Variants in CTCFL observed in about 807,000 individuals in gnomAD.
CTCFL encodes the protein transcriptional repressor CTCFL.
CTCFL carries 36 observed loss-of-function variants against 67.4 expected under a neutral mutation model. That is an observed-to-expected ratio of 0.53 (90% CI 0.41 to 0.71). The LOEUF is 0.71. Ranked by LOEUF, CTCFL falls within the 30% of genes least tolerant of loss-of-function variation. The probability of loss-of-function intolerance (pLI) is 0.00; values close to 1 mark genes in which losing one functional copy is unlikely to be tolerated. For missense variants in CTCFL, 786 were observed against 835.2 expected, an observed-to-expected ratio of 0.94 and a Z score of 0.73; for synonymous variants, 324 against 302.3, an observed-to-expected ratio of 1.07 and a Z score of -0.75.
intron 5 of CTCFL, among the ~76,000 whole-genome samples, chr20:57,518,134 C>A (rs1433515794): frequency 1.3e-5 from 2 of 152,322 alleles, no homozygotes; most frequent in African/African-American, 4.8e-5. Flanking sequence ...CGGGCCTCAG[C>A]CTGTTTCCCA....
At chr20:57,498,815 C>T in intron 10 of CTCFL, 114 bp from the exon 11 acceptor site, 4 of 899,804 alleles carry the variant, frequency 4.4e-6, no homozygotes, top group Non-Finnish European at 6.9e-6. Context: ...CGGCAGCAAG[C>T]ATGTTAGAAA....
intron 9 of CTCFL, chr20:57,507,126 G>C (rs141055546): frequency 3.6e-6 from 3 of 843,914 alleles, no homozygotes; most frequent in Non-Finnish European, 2.9e-6. Flanking sequence ...CCTTTCAAAA[G>C]AAACTTCATT....
At position 57,497,194 on chromosome 20, in the gene CTCFL, G is replaced by A; in HGVS notation, c.*1356C>T. 1 of 899,986 alleles carries A rather than the reference G, an allele frequency of 1.1e-6. No homozygotes were observed. The highest frequency in any genetic ancestry group is 1.3e-6 in the Non-Finnish European group (1 of 752,380). 55.8% of individuals were successfully genotyped at this position (899,986 alleles called of 1,614,324 possible). A position where few individuals can be genotyped will look rare whatever the true frequency, so the allele number is the denominator to read the frequency against. ...CAATTTTAAGTCATTTCATTTTATT[G>A]AATTATGTAAAACATCTTTAAATAA... On this transcript the variant is annotated 3_prime_UTR_variant, in exon 11 of 11. Coordinates refer to ENST00000243914, the MANE Select transcript of CTCFL (RefSeq NM_001386993.1).
intron 3 of CTCFL, among the ~76,000 whole-genome samples, chr20:57,520,041 C>A (rs2069238211): frequency 6.6e-6 from 1 of 152,180 alleles, no homozygotes; most frequent in Non-Finnish European, 1.5e-5. Flanking sequence ...AAAAGAAGTT[C>A]TCTTGGATGA....
At chr20:57,518,125 G>A (rs1166388615) in intron 5 of CTCFL, among the ~76,000 whole-genome samples, 3 of 152,054 alleles carry the variant, frequency 2.0e-5, no homozygotes, top group East Asian at 1.9e-4. Context: ...GCTCAAAACC[G>A]GGCCTCAGCC....
chr20:57,524,872 C>A (rs931329537), intron 1 of CTCFL, 156 bp downstream of exon 1: 1 of 547,240 alleles, frequency 1.8e-6, no homozygotes, highest in Non-Finnish European at 2.3e-6. Context: ...TACCCTGCCC[C>A]CCACGCCCCG....
chr20:57,519,876 T>C (rs181082349), intron 3 of CTCFL, among the ~76,000 whole-genome samples: 84 of 152,322 alleles, frequency 5.5e-4, no homozygotes, highest in East Asian at 5.8e-4. Flanking sequence ...CCATAAGTCA[T>C]GTGTGACTCT....
intron 9 of CTCFL, among the ~76,000 whole-genome samples, chr20:57,503,993 C>T (rs922120567): frequency 6.6e-6 from 1 of 151,900 alleles, no homozygotes; most frequent in South Asian, 2.1e-4. Context: ...AAGGAAGCTA[C>T]ACTCAGGATG....
At position 57,497,404 on chromosome 20, in the gene CTCFL, A is replaced by T; in HGVS notation, c.*1146T>A. 1.0e-6 allele frequency: 1 copy of T among 985,162 alleles called. No homozygotes were observed. Among genetic ancestry groups the T allele is most frequent in the Non-Finnish European group, 1.2e-6 (1 of 829,684 alleles). The allele number at this position is 985,162 out of a possible 1,614,324, so 61.0% of individuals were successfully genotyped here. A position where few individuals can be genotyped will look rare whatever the true frequency, so the allele number is the denominator to read the frequency against. On this transcript the variant is annotated 3_prime_UTR_variant, in exon 11 of 11. Transcript: ENST00000243914. ...ATTGTATAGGGATTCTGAACTTGTG[A>T]TATTTTCAATAAAAGGTCCATATCT...
At position 57,497,455 on chromosome 20, in the gene CTCFL, A is replaced by G. The variant is rs1026163901; in HGVS notation, c.*1095T>C. The G allele has an allele frequency of 5.1e-6, 5 of 985,334 alleles. No homozygotes were observed. Among genetic ancestry groups the G allele is most frequent in the Middle Eastern group, 1.0e-3 (2 of 1,936 alleles). The allele number at this position is 985,334 out of a possible 1,614,324, so 61.0% of individuals were successfully genotyped here. A position where few individuals can be genotyped will look rare whatever the true frequency, so the allele number is the denominator to read the frequency against. ...TAAGAATTTGAATTTAGGGCTTATC[A>G]ATGATCTTGAAATACAGGGGTGGAG... On this transcript the variant is annotated 3_prime_UTR_variant, in exon 11 of 11. Coordinates refer to ENST00000243914, the MANE Select transcript of CTCFL (RefSeq NM_001386993.1).
intron 10 of CTCFL, among the ~76,000 whole-genome samples, chr20:57,500,934 G>A (rs73168440): frequency 0.024 from 3,710 of 152,296 alleles, 80 homozygotes; most frequent in Non-Finnish European, 0.04. Flanking sequence ...CTTTAGGTGC[G>A]GAATCAGCGG....
intron 8 of CTCFL, among the ~76,000 whole-genome samples, chr20:57,509,089 C>T (rs2068390067): frequency 6.6e-6 from 1 of 152,102 alleles, no homozygotes; most frequent in Non-Finnish European, 1.5e-5. Context: ...GGTCCTTTGT[C>T]CTCTCATTAC....
chr20:57,502,508 C>T (rs1023251754), intron 10 of CTCFL, among the ~76,000 whole-genome samples: 1 of 152,114 alleles, frequency 6.6e-6, no homozygotes, highest in African/African-American at 2.4e-5. Flanking sequence ...TCTGTGGGAA[C>T]ATTCGCAATG....
rs2067737827 is a variant in CTCFL, at chr20:57,497,370, C to T, written c.*1180G>A. 2 of 985,018 alleles carry T rather than the reference C, an allele frequency of 2.0e-6. No individual in the cohort carries two copies. Among genetic ancestry groups the T allele is most frequent in the Non-Finnish European group, 1.2e-6 (1 of 829,726 alleles). The allele number at this position is 985,018 out of a possible 1,614,324, so 61.0% of individuals were successfully genotyped here. A position where few individuals can be genotyped will look rare whatever the true frequency, so the allele number is the denominator to read the frequency against. The stretch of plus-strand genomic sequence containing the variant: ...TCTTCCTGCTGGGAAATTATTTCCA[C>T]ATATTCACATTGTATAGGGATTCTG... On this transcript the variant is annotated 3_prime_UTR_variant, in exon 11 of 11. Transcript: ENST00000243914.
chr20:57,499,095 C>CGGGGGG (rs2067795716), intron 10 of CTCFL, among the ~76,000 whole-genome samples: 1 of 122,296 alleles, frequency 8.2e-6, no homozygotes, highest in Non-Finnish European at 1.8e-5. Context: ...GGGGGGGGGA[C>CGGGGGG]ACAGTCATTC....
chr20:57,507,773 G>C, intron 9 of CTCFL: 1 of 703,022 alleles, frequency 1.4e-6, no homozygotes, highest in South Asian at 1.5e-5. Context: ...AGCCACTTCC[G>C]AGTTCCCAAC....
At chr20:57,523,353 G>T in intron 2 of CTCFL, 75 bp from the exon 3 acceptor site, 1 of 1,381,542 alleles carries the variant, frequency 7.2e-7, no homozygotes, top group Non-Finnish European at 9.9e-7. Context: ...ATGAAGCACA[G>T]AATACAAAAA....
chr20:57,519,756 G>A (rs1037607950), intron 3 of CTCFL, among the ~76,000 whole-genome samples: 3 of 152,124 alleles, frequency 2.0e-5, no homozygotes, highest in African/African-American at 4.8e-5. Flanking sequence ...ATGTGGCCCT[G>A]CATTCTCTGT....
intron 9 of CTCFL, among the ~76,000 whole-genome samples, chr20:57,505,115 T>C (rs753051958): frequency 6.6e-5 from 10 of 151,932 alleles, no homozygotes; most frequent in South Asian, 2.1e-4. Flanking sequence ...GTGGGTAGCA[T>C]GCACCTTTGA....
Sources: allele counts gnomAD v4.1 joint callset (sites outside exome capture counted in the v4.1 genomes callset), GRCh38; gene constraint gnomAD v4.1.1; transcripts MANE v1.5; gene names NCBI Gene and HGNC (gene_info 2026-07-23, HGNC 2026-07-21).